RBFOX3: variants seen among roughly 807,000 people sequenced by gnomAD.
The protein encoded by RBFOX3 is RNA binding protein fox-1 homolog 3.
RBFOX3 carries 17 observed loss-of-function variants against 48.7 expected under a neutral mutation model. That is an observed-to-expected ratio of 0.35 (90% CI 0.24 to 0.52). RBFOX3 has a LOEUF of 0.52. Ranked by LOEUF, RBFOX3 falls within the 20% of genes least tolerant of loss-of-function variation. RBFOX3 has a pLI of 0.94. For missense variants in RBFOX3, 382 were observed against 497.5 expected (o/e 0.77, Z 2.21); for synonymous variants, 212 against 209.5 (o/e 1.01, Z -0.10).
chr17:79,527,260 G>T (rs2086920309), intron 1 of RBFOX3, among the ~76,000 whole-genome samples: 1 of 152,264 alleles, frequency 6.6e-6, no homozygotes, highest in Admixed American at 6.5e-5. Flanking sequence ...AATTCAGTTG[G>T]CTGGAAGCTA....
In RBFOX3 at chr17:79,282,626, C is replaced by T. The variant is rs2070830692; in HGVS notation, c.-74+25098G>A. ...ATGTGGCTGCAGGGCCGGCCGCTGA[C>T]CCAGAAGGGGTCCTGGAGGAGCCCA... On this transcript the variant is annotated intron_variant, in intron 3 of 14. Coordinates refer to ENST00000693108, the MANE Select transcript of RBFOX3 (RefSeq NM_001350451.2). 2.6e-5 allele frequency among the ~76,000 whole-genome samples: 4 copies of T among 152,224 alleles called. No individual in the cohort carries two copies. In the South Asian group the frequency reaches 8.3e-4, roughly 32 times the overall value.
chr17:79,276,099 G>T (rs1453598286), intron 3 of RBFOX3, among the ~76,000 whole-genome samples: 1 of 152,166 alleles, frequency 6.6e-6, no homozygotes, highest in East Asian at 1.9e-4. Context: ...AAGACGGTAC[G>T]CTCAGAGGCA....
chr17:79,163,183 G>A (rs1391854727), intron 4 of RBFOX3, among the ~76,000 whole-genome samples: 6 of 152,358 alleles, frequency 3.9e-5, no homozygotes, highest in Admixed American at 2.6e-4. Context: ...GACCCTAGCC[G>A]GGTCCCTCTC....
In RBFOX3 at chr17:79,471,382, C is replaced by A. The variant is rs546161748; in HGVS notation, c.-175+11072G>T. 5.9e-5 allele frequency among the ~76,000 whole-genome samples: 9 copies of A among 152,168 alleles called. No individual in the cohort carries two copies. Among genetic ancestry groups the A allele is most frequent in the Non-Finnish European group, 1.3e-4 (9 of 68,036 alleles). ...CTAAATAATTCAAAAATCATGATGA[C>A]CTTGCCTTGGGAACTTTTGGAGCAA... On this transcript the variant is annotated intron_variant, in intron 2 of 14. Coordinates refer to ENST00000693108, the MANE Select transcript of RBFOX3 (RefSeq NM_001350451.2). The surrounding 1 kb of genome is among the most constrained non-coding windows in gnomAD (Gnocchi z 4.0).
At chr17:79,639,788 T>C in the RBFOX3 span, among the ~76,000 whole-genome samples, 1 of 152,130 alleles carries the variant, frequency 6.6e-6, no homozygotes, top group South Asian at 2.1e-4. Flanking sequence ...AAGTTTAACA[T>C]CCATTCATGA....
chr17:79,115,486 G>A lies in RBFOX3; in HGVS notation c.222+8C>T, dbSNP rs1599497078. ...CAGGGCTGGGCCTGGGGTCGTGGGG[G>A]CCCTTACCGGCACTGTCTGGGTCCC... On this transcript the variant is annotated splice_region_variant and intron_variant, in intron 5 of 14. Coordinates refer to ENST00000693108, the MANE Select transcript of RBFOX3 (RefSeq NM_001350451.2). The A allele has an allele frequency of 7.6e-7, 1 of 1,319,394 alleles. No homozygotes were observed. Among genetic ancestry groups the A allele is most frequent in the South Asian group, 2.3e-5 (1 of 43,614 alleles). 81.7% of individuals were successfully genotyped at this position (1,319,394 alleles called of 1,614,324 possible).
chr17:79,345,091 TG>T, intron 2 of RBFOX3, among the ~76,000 whole-genome samples: 1 of 152,252 alleles, frequency 6.6e-6, no homozygotes, highest in Non-Finnish European at 1.5e-5. Context: ...TATTCTCTGT[TG>T]TTTTTGCTGA....
intron 1 of RBFOX3, among the ~76,000 whole-genome samples, chr17:79,495,064 C>T (rs1306052282): frequency 6.6e-6 from 1 of 152,044 alleles, no homozygotes; most frequent in Non-Finnish European, 1.5e-5. Context: ...AGGTTCATCC[C>T]CATGCGTGCT....
intron 1 of RBFOX3, among the ~76,000 whole-genome samples, chr17:79,489,240 T>TA (rs71161671): frequency 0.069 from 8,774 of 126,344 alleles, 356 homozygotes; most frequent in African/African-American, 0.13. Context: ...GCCAGAAAGT[T>TA]AAAAAAAAAA....
chr17:79,577,215 CA>C (rs1199467400), intron 1 of RBFOX3, among the ~76,000 whole-genome samples: 1 of 152,110 alleles, frequency 6.6e-6, no homozygotes, highest in African/African-American at 2.4e-5. Flanking sequence ...CTAAACTTTC[CA>C]AAAGCTAGAT....
intron 3 of RBFOX3, among the ~76,000 whole-genome samples, chr17:79,277,434 G>T (rs1178794204): frequency 6.6e-6 from 1 of 152,204 alleles, no homozygotes; most frequent in East Asian, 1.9e-4. Context: ...ATTAGCTGAG[G>T]TTCTAATTGT....
chr17:79,174,941 G>A lies in RBFOX3; in HGVS notation c.-33-59193C>T, dbSNP rs189061616. Among the ~76,000 whole-genome samples the A allele has an allele frequency of 2.4e-4, 37 of 152,326 alleles. No individual in the cohort carries two copies. The East Asian group carries it at 6.4e-3, about 26-fold the overall frequency. ...ATCCACAGTGGCCTCTGCCTGGAAC[G>A]GTTCCTCCTTCCCCTGCTTGCAGGC... is the stretch of plus-strand genomic sequence containing the variant. On this transcript the variant is annotated intron_variant, in intron 4 of 14. Coordinates refer to ENST00000693108, the MANE Select transcript of RBFOX3 (RefSeq NM_001350451.2).
chr17:79,192,873 C>G (rs1322130772), intron 4 of RBFOX3, among the ~76,000 whole-genome samples: 1 of 152,152 alleles, frequency 6.6e-6, no homozygotes, highest in African/African-American at 2.4e-5. Flanking sequence ...CCTTTGGGGC[C>G]CTGCACACTC....
At chr17:79,186,822 C>G (rs1283630468) in intron 4 of RBFOX3, among the ~76,000 whole-genome samples, 1 of 152,234 alleles carries the variant, frequency 6.6e-6, no homozygotes, top group Non-Finnish European at 1.5e-5. Context: ...TCAGAAGGTT[C>G]CGATGGTTCC....
intron 2 of RBFOX3, among the ~76,000 whole-genome samples, chr17:79,347,774 G>A (rs974794407): frequency 6.6e-6 from 1 of 152,062 alleles, no homozygotes; most frequent in Non-Finnish European, 1.5e-5. Flanking sequence ...GGTTTATTAA[G>A]CTTATTTTTA....
chr17:79,595,527 A>T (rs2093546281), intron 1 of RBFOX3, among the ~76,000 whole-genome samples: 1 of 152,238 alleles, frequency 6.6e-6, no homozygotes. Flanking sequence ...CATGGAAAGC[A>T]GCTGCCTAAA....
intron 1 of RBFOX3, chr17:79,599,473 G>A (rs1460717554): frequency 2.0e-5 from 3 of 152,390 alleles, no homozygotes; most frequent in South Asian, 2.1e-4. Flanking sequence ...AAGCACGCAC[G>A]CTGCTATTCG....
the RBFOX3 span, among the ~76,000 whole-genome samples, chr17:79,658,168 A>G: frequency 6.6e-6 from 1 of 152,136 alleles, no homozygotes; most frequent in African/African-American, 2.4e-5. Context: ...CCCATAAAAG[A>G]AAGAAAACAG....
chr17:79,430,808 G>T (rs1598658202), intron 2 of RBFOX3, among the ~76,000 whole-genome samples: 1 of 152,186 alleles, frequency 6.6e-6, no homozygotes, highest in African/African-American at 2.4e-5. Flanking sequence ...GCCTCCCAAA[G>T]TGCTGGGATT....
Sources: gnomAD v4.1 joint callset for allele counts (sites outside exome capture counted in the v4.1 genomes callset) on GRCh38, gnomAD v4.1.1 for gene constraint, Gnocchi (gnomAD v3.1) non-coding constraint, MANE v1.5 for transcripts, NCBI Gene and HGNC (gene_info 2026-07-23, HGNC 2026-07-21) for gene names.